The following NKAIN2 variants were observed in gnomAD, a reference collection of about 807,000 sequenced individuals.
NKAIN2 encodes the protein sodium/potassium transporting ATPase interacting 2, also known as sodium/potassium-transporting ATPase subunit beta-1-interacting protein 2.
Under a neutral mutation model 32.6 loss-of-function variants are expected in NKAIN2, and 14 were observed. The observed-to-expected ratio is 0.43, with a 90% CI of 0.28 to 0.67. The LOEUF (loss-of-function observed/expected upper bound fraction) is 0.67. Ranked by LOEUF, NKAIN2 falls within the 30% of genes least tolerant of loss-of-function variation. The pLI, the probability that NKAIN2 is intolerant of heterozygous loss-of-function variation, is 0.17. For synonymous variants in NKAIN2, 80 were observed against 87.2 expected (o/e 0.92, Z 0.46); for missense variants, 198 against 258.3 (o/e 0.77, Z 1.60).
intron 3 of NKAIN2, among the ~76,000 whole-genome samples, chr6:124,412,304 G>T (rs879407728): frequency 8.5e-5 from 13 of 152,052 alleles, no homozygotes; most frequent in Non-Finnish European, 1.8e-4. Context: ...CATCTTTGTG[G>T]TTTTATCTAC....
rs539167426 is a variant in NKAIN2, at chr6:123,883,748, A to T, written c.54+79494A>T. ...TTTTAAAAAAATGTACCTCTTTTTTAAAAAAAATTGGTGTCAGGCGCCTGT... is the reference window on the plus strand; with the variant it reads ...TTTTAAAAAAATGTACCTCTTTTTTTAAAAAAATTGGTGTCAGGCGCCTGT... On this transcript the variant is annotated intron_variant, in intron 1 of 6. Transcript: ENST00000368417. 1.3e-4 allele frequency among the ~76,000 whole-genome samples: 19 copies of T among 150,314 alleles called. No homozygotes were observed. The East Asian group carries it at 2.7e-3, about 22-fold the overall frequency.
chr6:124,190,296 A>C (rs1216590996), intron 1 of NKAIN2, among the ~76,000 whole-genome samples: 2 of 152,220 alleles, frequency 1.3e-5, no homozygotes, highest in East Asian at 3.9e-4. Flanking sequence ...GCACTTTGTA[A>C]ATTATAAAGC....
chr6:124,657,468 A>T (rs1337485684), intron 3 of NKAIN2, among the ~76,000 whole-genome samples: 1 of 152,154 alleles, frequency 6.6e-6, no homozygotes, highest in Non-Finnish European at 1.5e-5. Context: ...TTCCATTTAC[A>T]GCTGGGTATC....
intron 3 of NKAIN2, among the ~76,000 whole-genome samples, chr6:124,585,959 T>A (rs1038829255): frequency 6.6e-6 from 1 of 152,220 alleles, no homozygotes; most frequent in African/African-American, 2.4e-5. Flanking sequence ...TTTTCTCCTA[T>A]GTATTCTTCC....
At chr6:124,028,810 T>C (rs1400100674) in intron 1 of NKAIN2, among the ~76,000 whole-genome samples, 33 of 146,388 alleles carry the variant, frequency 2.3e-4, no homozygotes, top group Admixed American at 1.8e-3. Flanking sequence ...TACGTATATA[T>C]ACGTATATGT....
chr6:123,950,419 A>G (rs1275087664), intron 1 of NKAIN2, among the ~76,000 whole-genome samples: 1 of 152,010 alleles, frequency 6.6e-6, no homozygotes, highest in African/African-American at 2.4e-5. Context: ...CATTGAAGCA[A>G]TCTGGTCTTA....
chr6:124,010,088 T>C (rs887964870), intron 1 of NKAIN2, among the ~76,000 whole-genome samples: 2 of 152,100 alleles, frequency 1.3e-5, no homozygotes, highest in Admixed American at 6.6e-5. Flanking sequence ...AAGTCCAAAA[T>C]CTGTTCCTTT....
chr6:124,414,833 G>T (rs768590956), intron 3 of NKAIN2, among the ~76,000 whole-genome samples: 22 of 152,026 alleles, frequency 1.4e-4, no homozygotes, highest in Admixed American at 2.6e-4. Context: ...GATTTCCAGT[G>T]AAGCTACCCT....
At chr6:124,129,308 T>C (rs976285797) in intron 1 of NKAIN2, among the ~76,000 whole-genome samples, 2 of 152,046 alleles carry the variant, frequency 1.3e-5, no homozygotes, top group African/African-American at 2.4e-5. Context: ...GGAAAATTGG[T>C]TTATGTAACT....
At chr6:124,737,512 G>A (rs1777008348) in intron 4 of NKAIN2, among the ~76,000 whole-genome samples, 1 of 151,794 alleles carries the variant, frequency 6.6e-6, no homozygotes, top group Non-Finnish European at 1.5e-5. Context: ...CAGTAAACTG[G>A]TACCGGGAGT....
intron 3 of NKAIN2, among the ~76,000 whole-genome samples, chr6:124,573,042 G>T (rs371440111): frequency 1.3e-5 from 2 of 152,020 alleles, no homozygotes; most frequent in African/African-American, 4.8e-5. Context: ...GTTTCACTCC[G>T]TTGGCCAAGC....
intron 4 of NKAIN2, among the ~76,000 whole-genome samples, chr6:124,753,919 C>T (rs1777843178): frequency 6.6e-6 from 1 of 152,022 alleles, no homozygotes; most frequent in African/African-American, 2.4e-5. Flanking sequence ...GTGATTCAAA[C>T]TTTACGTGGG....
intron 3 of NKAIN2, among the ~76,000 whole-genome samples, chr6:124,598,644 TG>T (rs1782188196): frequency 6.8e-6 from 1 of 147,350 alleles, no homozygotes; most frequent in Non-Finnish European, 1.5e-5. Flanking sequence ...CCTGGATAGG[TG>T]AGCCCAATAG....
At chr6:124,058,453 A>G (rs1406251896) in intron 1 of NKAIN2, among the ~76,000 whole-genome samples, 1 of 152,098 alleles carries the variant, frequency 6.6e-6, no homozygotes, top group East Asian at 1.9e-4. Context: ...GACATTGGAC[A>G]AGTTCCTGAC....
chr6:123,868,147 C>A (rs1040769417), intron 1 of NKAIN2, among the ~76,000 whole-genome samples: 1 of 152,122 alleles, frequency 6.6e-6, no homozygotes, highest in Non-Finnish European at 1.5e-5. Context: ...GGATTACAGG[C>A]GTGAGCCACT....
intron 3 of NKAIN2, among the ~76,000 whole-genome samples, chr6:124,358,290 C>T (rs1246132309): frequency 2.0e-5 from 3 of 152,166 alleles, no homozygotes; most frequent in Middle Eastern, 6.8e-3. Context: ...GGTATGTACC[C>T]AGTAATAGAA....
chr6:124,624,561 A>G (rs1325321482), intron 3 of NKAIN2, among the ~76,000 whole-genome samples: 1 of 152,216 alleles, frequency 6.6e-6, no homozygotes, highest in Non-Finnish European at 1.5e-5. Flanking sequence ...AACAAAAGAT[A>G]TCATAGATAA....
At chr6:124,629,476 T>C (rs1783480382) in intron 3 of NKAIN2, among the ~76,000 whole-genome samples, 1 of 152,138 alleles carries the variant, frequency 6.6e-6, no homozygotes, top group Non-Finnish European at 1.5e-5. Flanking sequence ...AAAAAACTAG[T>C]ATATCAAGAT....
rs562562763 is a variant in NKAIN2, at chr6:124,413,637, G to A, written c.273+58290G>A. Among the ~76,000 whole-genome samples, 3 of 152,178 alleles carry A rather than the reference G, an allele frequency of 2.0e-5. No homozygotes were observed. The South Asian group carries it at 6.2e-4, about 32-fold the overall frequency. ...GCACTAAAGCTATCAGTAAAGTTTG[G>A]GGGAACTGACATTCTAATAATATTA... On this transcript the variant is annotated intron_variant, in intron 3 of 6. Coordinates refer to ENST00000368417, the MANE Select transcript of NKAIN2 (RefSeq NM_001040214.3).
Sources: allele counts gnomAD v4.1 joint callset (sites outside exome capture counted in the v4.1 genomes callset), GRCh38; gene constraint gnomAD v4.1.1; transcripts MANE v1.5; gene names NCBI Gene and HGNC (gene_info 2026-07-23, HGNC 2026-07-21).